Variants in IFT80 observed in about 807,000 individuals in gnomAD.
IFT80 encodes the protein intraflagellar transport 80, also known as intraflagellar transport protein 80 homolog.
In IFT80, 79 loss-of-function variants were observed where a neutral mutation model predicts 107.9. The ratio of observed to expected loss-of-function variants is 0.73; its 90% CI spans 0.61 to 0.88. IFT80 has a LOEUF of 0.88. Among genes scored for constraint, IFT80 ranks in the 40% least tolerant of loss-of-function variants. The pLI, the probability that IFT80 is intolerant of heterozygous loss-of-function variation, is 0.00. For synonymous variants in IFT80, 299 were observed against 300.9 expected (o/e 0.99, Z 0.07); for missense variants, 797 against 914.2 (o/e 0.87, Z 1.65).
In IFT80 at chr3:160,257,554, G is replaced by T. The variant is rs981268214; in HGVS notation, c.*971C>A. 3 of 152,118 alleles carry T rather than the reference G, an allele frequency of 2.0e-5. No individual in the cohort carries two copies. Among genetic ancestry groups the T allele is most frequent in the African/African-American group, 7.2e-5 (3 of 41,414 alleles). 9.4% of individuals were successfully genotyped at this position (152,118 alleles called of 1,614,324 possible). A position where few individuals can be genotyped will look rare whatever the true frequency, so the allele number is the denominator to read the frequency against. On this transcript the variant is annotated 3_prime_UTR_variant, in exon 20 of 20. Coordinates refer to ENST00000326448, the MANE Select transcript of IFT80 (RefSeq NM_020800.3). ...ATTCTCAAGTCAAGAGAGGAATGAG[G>T]AGAATCCTTCTTGCCCATTCTAGAT... is the stretch of plus-strand genomic sequence containing the variant.
intron 8 of IFT80, among the ~76,000 whole-genome samples, chr3:160,323,365 C>A (rs1718426052): frequency 4.0e-5 from 6 of 150,578 alleles, no homozygotes; most frequent in Admixed American, 4.0e-4. Context: ...GGCATTATTT[C>A]TGAGGGCTCT....
chr3:160,304,183 ACT>A (rs568084144), intron 10 of IFT80, among the ~76,000 whole-genome samples, 194 bp from the exon 11 acceptor site: 96 of 152,264 alleles, frequency 6.3e-4, no homozygotes, highest in African/African-American at 2.1e-3. Flanking sequence ...AAAAGCAGAG[ACT>A]CTGTATTCCC....
chr3:160,261,872 G>T (rs1241514725), intron 19 of IFT80, among the ~76,000 whole-genome samples: 3 of 151,748 alleles, frequency 2.0e-5, no homozygotes, highest in Non-Finnish European at 4.4e-5. Context: ...AGAAGGGCAT[G>T]GTGACATGCA....
chr3:160,397,579 C>G (rs540727312), intron 1 of IFT80, among the ~76,000 whole-genome samples: 1 of 152,284 alleles, frequency 6.6e-6, no homozygotes, highest in Admixed American at 6.5e-5. Context: ...AATAAATACT[C>G]TCAAGATTGA....
chr3:160,327,727 T>C (rs1718772694), intron 8 of IFT80, among the ~76,000 whole-genome samples: 2 of 152,058 alleles, frequency 1.3e-5, no homozygotes, highest in South Asian at 4.1e-4. Flanking sequence ...CACAAAACTA[T>C]AAATACCCTA....
At chr3:160,366,831 C>A (rs939712030) in intron 5 of IFT80, among the ~76,000 whole-genome samples, 16 of 151,904 alleles carry the variant, frequency 1.1e-4, no homozygotes, top group Admixed American at 3.9e-4. Flanking sequence ...TCCAATTGTA[C>A]TCTCAACCTG....
intron 10 of IFT80, among the ~76,000 whole-genome samples, chr3:160,306,904 C>T (rs773154923): frequency 9.9e-5 from 15 of 152,132 alleles, no homozygotes; most frequent in Non-Finnish European, 1.9e-4. Context: ...GCTAGGCATA[C>T]AGTGGTGAAT....
At chr3:160,260,533 A>G (rs1375445133) in intron 19 of IFT80, among the ~76,000 whole-genome samples, 1 of 152,236 alleles carries the variant, frequency 6.6e-6, no homozygotes, top group Non-Finnish European at 1.5e-5. Context: ...GTTATTTGTT[A>G]TAATACAAAT....
chr3:160,351,043 C>A (rs892548622), intron 8 of IFT80, among the ~76,000 whole-genome samples: 2 of 151,542 alleles, frequency 1.3e-5, no homozygotes, highest in African/African-American at 4.8e-5. Context: ...TTTAAATGTA[C>A]ATTTTGAAAA....
At chr3:160,374,942 T>C (rs1292276872) in intron 5 of IFT80, among the ~76,000 whole-genome samples, 4 of 152,206 alleles carry the variant, frequency 2.6e-5, no homozygotes, top group African/African-American at 9.6e-5. Flanking sequence ...TACTTAGTAT[T>C]TCTGGTTACC....
At chr3:160,343,071 A>G (rs1036146997) in intron 8 of IFT80, 13 of 152,210 alleles carry the variant, frequency 8.5e-5, no homozygotes, top group African/African-American at 3.1e-4. Flanking sequence ...AAAAAGCATA[A>G]ACTTTGGCCA....
intron 19 of IFT80, among the ~76,000 whole-genome samples, chr3:160,267,779 C>T (rs1424789663): frequency 6.6e-6 from 1 of 152,134 alleles, no homozygotes; most frequent in Non-Finnish European, 1.5e-5. Context: ...GTTGCCCAGG[C>T]TGGCCTTGAA....
intron 1 of IFT80, among the ~76,000 whole-genome samples, chr3:160,398,684 C>T (rs2108433089): frequency 6.6e-6 from 1 of 152,280 alleles, no homozygotes; most frequent in East Asian, 1.9e-4. Context: ...TCTCGGGGAA[C>T]AGGAATCGCC....
chr3:160,373,236 TC>T (rs2108390054), intron 5 of IFT80, among the ~76,000 whole-genome samples: 1 of 152,278 alleles, frequency 6.6e-6, no homozygotes, highest in South Asian at 2.1e-4. Context: ...ATATTGGGTC[TC>T]CACCATGCTA....
intron 12 of IFT80, among the ~76,000 whole-genome samples, chr3:160,295,618 T>C (rs2108259472): frequency 6.6e-6 from 1 of 151,806 alleles, no homozygotes; most frequent in African/African-American, 2.4e-5. Flanking sequence ...AAGTTAAAAA[T>C]AGAACTACCC....
At chr3:160,271,941 C>CA (rs10708967) in intron 18 of IFT80, among the ~76,000 whole-genome samples, 3,013 of 130,372 alleles carry the variant, frequency 0.023, 36 homozygotes, top group Non-Finnish European at 0.035. Flanking sequence ...GAAGTCTTAT[C>CA]AAAAAAAAAA....
At chr3:160,335,147 C>CTT (rs754322594) in intron 8 of IFT80, among the ~76,000 whole-genome samples, 4 of 143,484 alleles carry the variant, frequency 2.8e-5, no homozygotes, top group South Asian at 2.3e-4. Flanking sequence ...AAAAAATCCT[C>CTT]TTTTTTTTTT....
intron 11 of IFT80, among the ~76,000 whole-genome samples, chr3:160,303,655 G>A (rs995009757): frequency 2.0e-5 from 3 of 151,930 alleles, no homozygotes; most frequent in Non-Finnish European, 2.9e-5. Context: ...TTCTAATATC[G>A]TAAATGCTGA....
chr3:160,388,063 T>C (rs1290856426), intron 1 of IFT80, among the ~76,000 whole-genome samples: 4 of 152,186 alleles, frequency 2.6e-5, no homozygotes, highest in Non-Finnish European at 5.9e-5. Flanking sequence ...GTGGACATTT[T>C]AATGATGTCA....
Sources: allele counts gnomAD v4.1 joint callset (sites outside exome capture counted in the v4.1 genomes callset), GRCh38; gene constraint gnomAD v4.1.1; transcripts MANE v1.5; gene names NCBI Gene and HGNC (gene_info 2026-07-23, HGNC 2026-07-21).